The following LRRC37A3 variants were observed in gnomAD, a reference collection of about 807,000 sequenced individuals.
LRRC37A3 encodes the protein leucine-rich repeat-containing protein 37A3.
In LRRC37A3, 25 loss-of-function variants were observed where a neutral mutation model predicts 106.2. The ratio of observed to expected loss-of-function variants is 0.24; its 90% CI spans 0.17 to 0.33. The LOEUF (loss-of-function observed/expected upper bound fraction) is 0.33. Among genes scored for constraint, LRRC37A3 ranks in the 10% least tolerant of loss-of-function variants. The pLI is 1.00. For synonymous variants in LRRC37A3, 305 were observed against 635.8 expected (o/e 0.48, Z 7.83); for missense variants, 712 against 1,644.9 (o/e 0.43, Z 9.81).
chr17:64,872,210 CAAAAAA>C (rs60703427), intron 8 of LRRC37A3, among the ~76,000 whole-genome samples: 3 of 61,864 alleles, frequency 4.8e-5, no homozygotes, highest in African/African-American at 1.1e-4. Flanking sequence ...AAAAAATAGC[CAAAAAA>C]AAAAAAAAAA....
intron 8 of LRRC37A3, among the ~76,000 whole-genome samples, chr17:64,874,350 G>A (rs546498688): frequency 7.4e-4 from 111 of 150,072 alleles, no homozygotes; most frequent in African/African-American, 2.3e-3. Flanking sequence ...CGTCTGAGAC[G>A]TGAGGAGCCC....
At chr17:64,878,644 C>T (rs1973591018) in intron 8 of LRRC37A3, among the ~76,000 whole-genome samples, 1 of 152,200 alleles carries the variant, frequency 6.6e-6, no homozygotes, top group Non-Finnish European at 1.5e-5. Flanking sequence ...CTACTTTACA[C>T]TCACTGGGAT....
intron 2 of LRRC37A3, among the ~76,000 whole-genome samples, chr17:64,906,516 CCT>C (rs1351978610): frequency 1.2e-5 from 1 of 83,224 alleles, no homozygotes; most frequent in African/African-American, 5.6e-5. Flanking sequence ...TATGCACCTT[CCT>C]CTGTCACTGG....
intron 8 of LRRC37A3, chr17:64,871,735 C>T: frequency 6.6e-6 from 1 of 152,122 alleles, no homozygotes; most frequent in East Asian, 1.9e-4. Context: ...CTCAAAGGAT[C>T]CTTCTTCCTT....
At chr17:64,859,037 G>A (rs1184531855) in intron 12 of LRRC37A3, among the ~76,000 whole-genome samples, 154 bp from the exon 13 acceptor site, 2 of 151,972 alleles carry the variant, frequency 1.3e-5, no homozygotes, top group Non-Finnish European at 2.9e-5. Flanking sequence ...CACTAGACTC[G>A]ACCTCCCTGG....
chr17:64,869,246 T>C (rs2143439287), intron 8 of LRRC37A3, 80 bp from the exon 9 acceptor site: 11 of 1,595,740 alleles, frequency 6.9e-6, no homozygotes, highest in African/African-American at 2.7e-5. Flanking sequence ...CATTTTTTGG[T>C]ATGGAACTTG....
chr17:64,910,086 C>T (rs1412036814), intron 2 of LRRC37A3: 5 of 152,382 alleles, frequency 3.3e-5, no homozygotes, highest in African/African-American at 7.2e-5. Flanking sequence ...AACCGGTCAA[C>T]GGCACTCATC....
intron 8 of LRRC37A3, among the ~76,000 whole-genome samples, chr17:64,869,484 G>A (rs978868966): frequency 2.0e-5 from 3 of 151,786 alleles, no homozygotes; most frequent in African/African-American, 4.8e-5. Flanking sequence ...CCCTGACTGC[G>A]GAGGAAACAG....
At chr17:64,899,046 T>TACTAAAGGC (rs1974223056) in intron 2 of LRRC37A3, 1 of 137,362 alleles carries the variant, frequency 7.3e-6, no homozygotes, top group Non-Finnish European at 1.5e-5. Flanking sequence ...CTGTACTGAA[T>TACTAAAGGC]ACTAAAGGCA....
At chr17:64,856,564 T>C (rs1394957342) in intron 13 of LRRC37A3, among the ~76,000 whole-genome samples, 2 of 151,712 alleles carry the variant, frequency 1.3e-5, no homozygotes, top group Non-Finnish European at 2.9e-5. Context: ...TCTGTTTGTA[T>C]TTTTATTGTT....
rs1973222107 is a variant in LRRC37A3 at position 64,869,221 on chromosome 17, T to C, written c.2907-55A>G. On this transcript the variant is annotated intron_variant, in intron 8 of 14. Coordinates refer to ENST00000584306, the MANE Select transcript of LRRC37A3 (RefSeq NM_199340.5). ...TGCATTTTCAATGTGTAAAACTGCA[T>C]GAAAAGTTTACATTCATTTTTTGGT... The C allele has an allele frequency of 7.5e-6, 12 of 1,598,150 alleles. No individual in the cohort carries two copies. The South Asian group carries it at 1.0e-4, about 14-fold the overall frequency.
rs1407614774 is a variant in LRRC37A3, at chr17:64,893,895, GC to G, written c.2609+753del. 4.0e-5 allele frequency among the ~76,000 whole-genome samples: 6 copies of G among 148,490 alleles called. 1 individual carries two copies. The East Asian group carries it at 1.2e-3, about 29-fold the overall frequency. ...TCTTGATCTCCTGACCTCGTGATCCGCCCGCCTCGGCCTCCCAAAGTGCTGG... is the reference window on the plus strand; with the variant it reads ...TCTTGATCTCCTGACCTCGTGATCCGCCGCCTCGGCCTCCCAAAGTGCTGG... On this transcript the variant is annotated intron_variant, in intron 4 of 14. Transcript: ENST00000584306.
At chr17:64,867,573 CA>C (rs1353281896) in intron 10 of LRRC37A3, among the ~76,000 whole-genome samples, 1 of 151,098 alleles carries the variant, frequency 6.6e-6, no homozygotes, top group African/African-American at 2.4e-5. Context: ...GTACCTAATA[CA>C]GTGTAAATGG....
At chr17:64,875,808 A>C (rs1265777953) in intron 8 of LRRC37A3, among the ~76,000 whole-genome samples, 12 of 152,080 alleles carry the variant, frequency 7.9e-5, no homozygotes, top group African/African-American at 2.2e-4. Flanking sequence ...AAAAAAAAAA[A>C]CAAAAAGATA....
At chr17:64,880,800 G>C (rs1973674626) in intron 8 of LRRC37A3, among the ~76,000 whole-genome samples, 1 of 151,736 alleles carries the variant, frequency 6.6e-6, no homozygotes, top group African/African-American at 2.4e-5. Context: ...CTTCTACACA[G>C]GTCCAGATAG....
At chr17:64,917,753 G>C (rs554808507) in intron 2 of LRRC37A3, among the ~76,000 whole-genome samples, 1 of 152,134 alleles carries the variant, frequency 6.6e-6, no homozygotes, top group African/African-American at 2.4e-5. Flanking sequence ...GATTACCTGA[G>C]GTCAGGAGTT....
chr17:64,871,414 T>G (rs2143451808), intron 8 of LRRC37A3: 1 of 152,340 alleles, frequency 6.6e-6, no homozygotes, highest in Admixed American at 6.5e-5. Context: ...TTTCTCTTTT[T>G]ATGTCTTTCC....
chr17:64,858,546 T>G (rs2143365830), intron 13 of LRRC37A3, among the ~76,000 whole-genome samples: 1 of 152,282 alleles, frequency 6.6e-6, no homozygotes, highest in Non-Finnish European at 1.5e-5. Context: ...CTTAAAATAG[T>G]CTAGTGGGAT....
At chr17:64,855,759 G>C in intron 14 of LRRC37A3, 81 bp downstream of exon 14, 2 of 1,598,518 alleles carry the variant, frequency 1.3e-6, no homozygotes, top group Admixed American at 3.4e-5. Context: ...CCGAGATCGC[G>C]TCATTGCACT....
Sources: gnomAD v4.1 joint callset for allele counts (sites outside exome capture counted in the v4.1 genomes callset) on GRCh38, gnomAD v4.1.1 for gene constraint, MANE v1.5 for transcripts, NCBI Gene and HGNC (gene_info 2026-07-23, HGNC 2026-07-21) for gene names.